COL24A1: variants seen among roughly 807,000 people sequenced by gnomAD.
COL24A1 encodes collagen alpha-1(XXIV) chain.
In COL24A1, 224 loss-of-function variants were observed where a neutral mutation model predicts 253.9. The ratio of observed to expected loss-of-function variants is 0.88; its 90% CI spans 0.79 to 0.99. COL24A1 has a LOEUF of 0.99. Among genes scored for constraint, COL24A1 ranks in the 50% least tolerant of loss-of-function variants. The pLI, the probability that COL24A1 is intolerant of heterozygous loss-of-function variation, is 0.00. For missense variants in COL24A1, 2,131 were observed against 2,068.5 expected (o/e 1.03, Z -0.59); for synonymous variants, 685 against 673.7 (o/e 1.02, Z -0.26).
intron 28 of COL24A1, 96 bp from the exon 29 acceptor site, chr1:85,896,505 T>TA (rs1683743841): frequency 8.9e-7 from 1 of 1,119,756 alleles, no homozygotes; most frequent in Non-Finnish European, 1.3e-6. Context: ...TTGATGATTT[T>TA]TTTTTTTTGA....
rs779920827 is a variant in COL24A1 at position 86,092,298 on chromosome 1, A to C, written c.1622T>G (p.Phe541Cys). ...GPKGPKGDPG[F>C]SPGQPVPGEK... The stretch of plus-strand genomic sequence containing the variant: ...TCCAGGAACAGGTTGACCTGGGGAA[A>C]ATCCTGGATCTCCTTTGGGGCCCTA... Residue 541 changes from phenylalanine to cysteine, a missense_variant, in exon 6 of 60, where the codon TTT becomes TGT. By Grantham distance (205) the Phe-to-Cys change is radical. Transcript: ENST00000370571. The C allele has an allele frequency of 6.2e-7, 1 of 1,606,454 alleles. No individual in the cohort carries two copies. The highest frequency in any genetic ancestry group is 8.5e-7 in the Non-Finnish European group (1 of 1,174,362).
chr1:86,033,025 A>T (rs887882484), intron 13 of COL24A1, among the ~76,000 whole-genome samples: 1 of 152,140 alleles, frequency 6.6e-6, no homozygotes, highest in Admixed American at 6.5e-5. Flanking sequence ...TTAAAACAAC[A>T]TTCAAGTTTT....
At chr1:86,049,593 T>C (rs1396874871) in intron 11 of COL24A1, among the ~76,000 whole-genome samples, 1 of 152,178 alleles carries the variant, frequency 6.6e-6, no homozygotes, top group Non-Finnish European at 1.5e-5. Flanking sequence ...AAACTAGATA[T>C]GATGAAGCTG....
At chr1:85,999,922 A>G (rs578042819) in intron 19 of COL24A1, among the ~76,000 whole-genome samples, 1 of 152,292 alleles carries the variant, frequency 6.6e-6, no homozygotes, top group African/African-American at 2.4e-5. Context: ...TGCCTCTGAC[A>G]TAGCTTGAAA....
chr1:85,839,168 C>T (rs1020007950), intron 42 of COL24A1, among the ~76,000 whole-genome samples: 2 of 152,148 alleles, frequency 1.3e-5, no homozygotes, highest in African/African-American at 4.8e-5. Flanking sequence ...CACTGCTCTC[C>T]AGCCTGGGCA....
chr1:85,863,753 T>G (rs1020732647), intron 37 of COL24A1, among the ~76,000 whole-genome samples: 2 of 152,106 alleles, frequency 1.3e-5, no homozygotes, highest in East Asian at 3.9e-4. Context: ...GAACAGACAC[T>G]TCTCAAAAGA....
At chr1:85,958,774 T>C (rs1690731458) in intron 24 of COL24A1, among the ~76,000 whole-genome samples, 1 of 152,166 alleles carries the variant, frequency 6.6e-6, no homozygotes, top group Non-Finnish European at 1.5e-5. Flanking sequence ...CTGGTAATTA[T>C]GGTTAGATAA....
Position 85,744,684 on chromosome 1 carries a change from C to G in COL24A1, c.4654G>C (p.Glu1552Gln), listed in dbSNP as rs1030328818. ...ARICKDLLNCEQKVSDGKYWI... is the reference protein window; with the variant it reads ...ARICKDLLNCQQKVSDGKYWI... ...AACTTACCATCTGATACTTTTTGTT[C>G]ACAGTTAAGTAAATCTTTGCAGATT... The change falls in exon 57 of 60, where the codon GAA (glutamate) becomes CAA (glutamine). Residue 1552 changes from glutamate to glutamine, a missense_variant. Coordinates refer to ENST00000370571, the MANE Select transcript of COL24A1 (RefSeq NM_152890.7). The G allele has an allele frequency of 2.5e-6, 4 of 1,605,034 alleles. No individual in the cohort carries two copies. The African/African-American group carries it at 5.4e-5, about 22-fold the overall frequency.
chr1:86,140,813 C>G (rs1650968915), intron 2 of COL24A1, among the ~76,000 whole-genome samples: 1 of 152,128 alleles, frequency 6.6e-6, no homozygotes, highest in Non-Finnish European at 1.5e-5. Flanking sequence ...TCTGTCAAAT[C>G]CTCAGAAAAC....
intron 1 of COL24A1, among the ~76,000 whole-genome samples, chr1:86,149,893 T>A (rs1164230981): frequency 6.6e-6 from 1 of 152,168 alleles, no homozygotes; most frequent in Non-Finnish European, 1.5e-5. Flanking sequence ...CTGGTAGAGA[T>A]CAATGACTGA....
At chr1:86,116,469 A>G (rs1706149491) in intron 3 of COL24A1, among the ~76,000 whole-genome samples, 1 of 152,212 alleles carries the variant, frequency 6.6e-6, no homozygotes, top group Non-Finnish European at 1.5e-5. Context: ...TTTTTAACCT[A>G]CAATTTCATA....
chr1:85,910,061 G>T, intron 25 of COL24A1, 58 bp from the exon 26 acceptor site: 1 of 1,350,144 alleles, frequency 7.4e-7, no homozygotes, highest in South Asian at 1.2e-5. Flanking sequence ...AGTCATGACT[G>T]AGCTAAGCCT....
chr1:86,069,387 A>G (rs905293936), intron 7 of COL24A1, among the ~76,000 whole-genome samples: 1 of 152,164 alleles, frequency 6.6e-6, no homozygotes, highest in African/African-American at 2.4e-5. Context: ...AAATTGCTGG[A>G]AAGAGTAGGA....
chr1:85,983,234 G>A (rs778786982), intron 20 of COL24A1, among the ~76,000 whole-genome samples: 3 of 151,894 alleles, frequency 2.0e-5, no homozygotes, highest in East Asian at 1.9e-4. Context: ...GGAGAATAGA[G>A]AATATTTATT....
intron 33 of COL24A1, among the ~76,000 whole-genome samples, chr1:85,876,665 G>C (rs1681201555): frequency 6.6e-6 from 1 of 152,244 alleles, no homozygotes. Context: ...CAACAGGAGA[G>C]AGCAGTTTCA....
chr1:86,032,003 T>C, intron 13 of COL24A1, 81 bp from the exon 14 acceptor site: 1 of 1,154,150 alleles, frequency 8.7e-7, no homozygotes, highest in Admixed American at 2.0e-5. Flanking sequence ...ACACAAAACT[T>C]TCTAGCTAAG....
intron 28 of COL24A1, among the ~76,000 whole-genome samples, chr1:85,901,504 A>C (rs1021237191): frequency 6.6e-6 from 1 of 152,056 alleles, no homozygotes; most frequent in Non-Finnish European, 1.5e-5. Context: ...GAGTATGGAG[A>C]TTTCTCATAA....
chr1:86,022,853 G>T lies in COL24A1; in HGVS notation c.2128C>A (p.Pro710Thr), dbSNP rs1697676030. Reference sequence around the variant, plus strand: ...ATCACCTTATCACCTTTGATTCCAGGTAGTCCTTTATTCCCTGAAAGGCCC... The same window carrying T: ...ATCACCTTATCACCTTTGATTCCAGTTAGTCCTTTATTCCCTGAAAGGCCC... The part of the protein sequence containing the change: ...PMGLSGNKGL[P>T]GIKGDKGEQG... Residue 710 changes from proline to threonine, a missense_variant, in exon 16 of 60, where the codon CCT (proline) becomes ACT (threonine). Physicochemically the swap from Pro to Thr is conservative, Grantham distance 38 (BLOSUM62 -1). Coordinates refer to ENST00000370571, the MANE Select transcript of COL24A1 (RefSeq NM_152890.7). 4 of 1,593,368 alleles carry T rather than the reference G, an allele frequency of 2.5e-6. No individual in the cohort carries two copies. Among genetic ancestry groups the T allele is most frequent in the Non-Finnish European group, 3.4e-6 (4 of 1,168,704 alleles).
intron 43 of COL24A1, among the ~76,000 whole-genome samples, chr1:85,824,065 T>C (rs1239572572): frequency 1.3e-5 from 2 of 152,138 alleles, no homozygotes; most frequent in East Asian, 3.9e-4. Context: ...AAAGGGTCTT[T>C]GCAGATGTCA....
Sources: allele counts gnomAD v4.1 joint callset (sites outside exome capture counted in the v4.1 genomes callset), GRCh38; gene constraint gnomAD v4.1.1; transcripts MANE v1.5; gene names NCBI Gene and HGNC (gene_info 2026-07-23, HGNC 2026-07-21).